Variants in ADCY2 observed in about 807,000 individuals in gnomAD.
ADCY2 encodes the protein adenylate cyclase type 2.
ADCY2 carries 31 observed loss-of-function variants against 125.2 expected under a neutral mutation model. The observed-to-expected ratio is 0.25, with a 90% CI of 0.19 to 0.33. The LOEUF is 0.33. Among genes scored for constraint, ADCY2 ranks in the 10% least tolerant of loss-of-function variants. The pLI is 1.00. For missense variants in ADCY2, 904 were observed against 1,418.2 expected, an observed-to-expected ratio of 0.64 and a Z score of 5.82; for synonymous variants, 512 against 548.4, an observed-to-expected ratio of 0.93 and a Z score of 0.93.
At chr5:7,801,383 C>T (rs1378583208) in intron 20 of ADCY2, 1 of 152,222 alleles carries the variant, frequency 6.6e-6, no homozygotes, top group African/African-American at 2.4e-5. Flanking sequence ...GAGAAGAAAG[C>T]ATTTCCCATG....
At chr5:7,808,746 T>A (rs1744841988) in intron 22 of ADCY2, among the ~76,000 whole-genome samples, 1 of 152,154 alleles carries the variant, frequency 6.6e-6, no homozygotes, top group Non-Finnish European at 1.5e-5. Flanking sequence ...CCTGCACCCC[T>A]ACATTTGTAT....
chr5:7,573,991 A>G (rs1018618016), intron 3 of ADCY2, among the ~76,000 whole-genome samples: 1 of 111,748 alleles, frequency 8.9e-6, no homozygotes, highest in African/African-American at 3.3e-5. Context: ...ATTCCCACCT[A>G]TGAGTGAGAA....
chr5:7,820,831 AT>A, intron 24 of ADCY2, 142 bp downstream of exon 24: 3 of 1,157,824 alleles, frequency 2.6e-6, no homozygotes, highest in Non-Finnish European at 3.4e-6. Flanking sequence ...TTGGAGAACA[AT>A]TTTTGGGGAA....
At chr5:7,786,494 T>C (rs1744087266) in intron 19 of ADCY2, among the ~76,000 whole-genome samples, 2 of 152,356 alleles carry the variant, frequency 1.3e-5, no homozygotes, top group South Asian at 4.1e-4. Flanking sequence ...CCATCTTTTT[T>C]GAAATGATGG....
intron 4 of ADCY2, among the ~76,000 whole-genome samples, chr5:7,632,513 C>A (rs1738349782): frequency 6.6e-6 from 1 of 152,002 alleles, no homozygotes; most frequent in Admixed American, 6.6e-5. Context: ...TTGGTTATTG[C>A]TTTTATCTCA....
chr5:7,569,546 T>C (rs563860160), intron 3 of ADCY2, among the ~76,000 whole-genome samples: 2 of 152,278 alleles, frequency 1.3e-5, no homozygotes, highest in East Asian at 3.9e-4. Flanking sequence ...CCCTAGAGGT[T>C]TATTTAGGGT....
intron 2 of ADCY2, among the ~76,000 whole-genome samples, chr5:7,462,792 C>T (rs1173692369): frequency 7.2e-5 from 11 of 152,316 alleles, no homozygotes; most frequent in East Asian, 1.9e-4. Context: ...TATTTGATCA[C>T]GTGTGTGGGT....
At chr5:7,582,057 C>T (rs1049451811) in intron 3 of ADCY2, among the ~76,000 whole-genome samples, 3 of 151,944 alleles carry the variant, frequency 2.0e-5, no homozygotes, top group South Asian at 4.1e-4. Flanking sequence ...TATAAAGACA[C>T]GGGTTAAAGA....
intron 5 of ADCY2, among the ~76,000 whole-genome samples, chr5:7,692,909 A>G (rs941309094): frequency 4.6e-5 from 7 of 152,110 alleles, no homozygotes; most frequent in African/African-American, 1.2e-4. Flanking sequence ...ATGCTCATAC[A>G]CAGGCCTCAA....
intron 4 of ADCY2, among the ~76,000 whole-genome samples, chr5:7,628,397 A>G (rs372506794): frequency 2.0e-5 from 3 of 152,198 alleles, no homozygotes; most frequent in Admixed American, 2.0e-4. Flanking sequence ...TCACCTGCAC[A>G]TCATATTTCT....
At chr5:7,672,023 A>G (rs895042548) in intron 4 of ADCY2, among the ~76,000 whole-genome samples, 3 of 151,970 alleles carry the variant, frequency 2.0e-5, no homozygotes, top group African/African-American at 7.3e-5. Context: ...GATGGCTGCT[A>G]TCTCAGTAGC....
At chr5:7,500,698 C>T (rs78160031) in intron 2 of ADCY2, among the ~76,000 whole-genome samples, 4 of 152,042 alleles carry the variant, frequency 2.6e-5, no homozygotes, top group Non-Finnish European at 5.9e-5. Context: ...ATTGTCAGGA[C>T]CAGGAGGATG....
intron 2 of ADCY2, among the ~76,000 whole-genome samples, chr5:7,508,852 T>A (rs965923590): frequency 2.0e-5 from 3 of 152,146 alleles, no homozygotes; most frequent in Non-Finnish European, 4.4e-5. Context: ...AAGAAGTCTT[T>A]CACAATCTGA....
At position 7,720,068 on chromosome 5, in the gene ADCY2, C is replaced by T. The variant is rs184576773; in HGVS notation, c.1703+2831C>T. On this transcript the variant is annotated intron_variant, in intron 12 of 24. Transcript: ENST00000338316. ...AGTAGGGAATCACTTATTGTGATAA[C>T]GAAGGATGGGGTTGACTTTCTTCAT... Among the ~76,000 whole-genome samples, 10 of 152,054 alleles carry T rather than the reference C, an allele frequency of 6.6e-5. No individual in the cohort carries two copies. The East Asian group carries it at 1.6e-3, about 24-fold the overall frequency.
chr5:7,808,017 T>G (rs1444064325), intron 22 of ADCY2, among the ~76,000 whole-genome samples: 2 of 152,112 alleles, frequency 1.3e-5, no homozygotes, highest in African/African-American at 4.8e-5. Flanking sequence ...GACCCCCATT[T>G]CCACTAGTTT....
chr5:7,729,206 T>A (rs1460822920), intron 14 of ADCY2, among the ~76,000 whole-genome samples: 1 of 152,146 alleles, frequency 6.6e-6, no homozygotes, highest in Non-Finnish European at 1.5e-5. Flanking sequence ...TTCTTTTTCT[T>A]TAAAAAAAAT....
intron 12 of ADCY2, among the ~76,000 whole-genome samples, chr5:7,723,695 C>T (rs978901249): frequency 6.6e-6 from 1 of 151,882 alleles, no homozygotes; most frequent in African/African-American, 2.4e-5. Context: ...GACTGAGGCG[C>T]GTGGACCACG....
intron 3 of ADCY2, among the ~76,000 whole-genome samples, chr5:7,558,167 C>G (rs1204008548): frequency 6.6e-6 from 1 of 152,040 alleles, no homozygotes; most frequent in African/African-American, 2.4e-5. Context: ...ATTCTTGTGC[C>G]TCAACCTCCA....
At chr5:7,518,307 G>A (rs942979199) in intron 2 of ADCY2, among the ~76,000 whole-genome samples, 5 of 152,050 alleles carry the variant, frequency 3.3e-5, no homozygotes, top group Non-Finnish European at 7.4e-5. Context: ...TGAGGGAGGT[G>A]CCCCAGCCTG....
Sources: gnomAD v4.1 joint callset for allele counts (sites outside exome capture counted in the v4.1 genomes callset) on GRCh38, gnomAD v4.1.1 for gene constraint, MANE v1.5 for transcripts, NCBI Gene and HGNC (gene_info 2026-07-23, HGNC 2026-07-21) for gene names.